The following EXOC4 variants were observed in gnomAD, a reference collection of about 807,000 sequenced individuals.
EXOC4 encodes SEC8-like 1.
In EXOC4, 71 loss-of-function variants were observed where a neutral mutation model predicts 107.2. That is an observed-to-expected ratio of 0.66 (90% CI 0.55 to 0.81). EXOC4 has a LOEUF of 0.81. Ranked by LOEUF, EXOC4 falls within the 30% of genes least tolerant of loss-of-function variation. The pLI is 0.00. For missense variants in EXOC4, 1,108 were observed against 1,189.6 expected (o/e 0.93, Z 1.01); for synonymous variants, 456 against 441.2 (o/e 1.03, Z -0.42).
At chr7:133,884,921 A>G (rs1178057442) in intron 11 of EXOC4, among the ~76,000 whole-genome samples, 1 of 152,224 alleles carries the variant, frequency 6.6e-6, no homozygotes, top group African/African-American at 2.4e-5. Context: ...TTGCCATTAT[A>G]GAAAATAATA....
chr7:133,479,934 T>A, intron 8 of EXOC4, 116 bp from the exon 9 acceptor site: 1 of 852,742 alleles, frequency 1.2e-6, no homozygotes, highest in South Asian at 1.5e-5. Context: ...AGTGTCTTCA[T>A]CACGGAACAT....
chr7:133,934,862 G>A (rs895087807), intron 13 of EXOC4, among the ~76,000 whole-genome samples: 7 of 151,492 alleles, frequency 4.6e-5, no homozygotes, highest in Non-Finnish European at 7.4e-5. Context: ...CTCAAATCAC[G>A]GAGGAGACAT....
At chr7:133,706,599 C>A (rs1304774506) in intron 10 of EXOC4, among the ~76,000 whole-genome samples, 1 of 152,238 alleles carries the variant, frequency 6.6e-6, no homozygotes. Context: ...TTATTGCACC[C>A]AGTACATCCA....
rs145333481 is a variant in EXOC4 at position 133,929,176 on chromosome 7, T to C, written c.2028-8715T>C. The stretch of plus-strand genomic sequence containing the variant: ...TTGAACTCCTGACTTCGTGATCTAT[T>C]CGCCTTGGCCTCCCAACGTGCTGGT... On this transcript the variant is annotated intron_variant, in intron 13 of 17. Coordinates refer to ENST00000253861, the MANE Select transcript of EXOC4 (RefSeq NM_021807.4). Among the ~76,000 whole-genome samples the C allele has an allele frequency of 2.4e-3, 364 of 152,066 alleles. 5 individuals are homozygous for C. Among genetic ancestry groups the C allele is most frequent in the African/African-American group, 8.2e-3 (340 of 41,482 alleles).
intron 17 of EXOC4, among the ~76,000 whole-genome samples, chr7:134,028,444 C>T (rs951387600): frequency 6.6e-6 from 1 of 152,174 alleles, no homozygotes; most frequent in African/African-American, 2.4e-5. Flanking sequence ...TTCTACTAAA[C>T]TATAAGTCGA....
intron 7 of EXOC4, among the ~76,000 whole-genome samples, chr7:133,418,852 A>G (rs905061836): frequency 1.3e-5 from 2 of 152,220 alleles, no homozygotes; most frequent in African/African-American, 4.8e-5. Context: ...TATGTAGAAT[A>G]TAGGATTAGA....
chr7:133,358,152 C>T (rs1044743408), intron 6 of EXOC4, among the ~76,000 whole-genome samples: 9 of 152,146 alleles, frequency 5.9e-5, no homozygotes, highest in Non-Finnish European at 1.3e-4. Flanking sequence ...CACTACTGCA[C>T]TCCAGCCTGG....
chr7:133,910,744 C>CAG (rs1354144745), intron 12 of EXOC4, among the ~76,000 whole-genome samples: 1 of 152,186 alleles, frequency 6.6e-6, no homozygotes, highest in East Asian at 1.9e-4. Context: ...GACGACGGCA[C>CAG]TTTACTTTGG....
intron 3 of EXOC4, among the ~76,000 whole-genome samples, chr7:133,300,320 C>G (rs1584791102): frequency 6.6e-6 from 1 of 152,164 alleles, no homozygotes; most frequent in Non-Finnish European, 1.5e-5. Flanking sequence ...CTGCAGCTTT[C>G]AGGCAGTGGC....
intron 7 of EXOC4, among the ~76,000 whole-genome samples, chr7:133,407,554 G>A (rs991339745): frequency 3.9e-5 from 6 of 152,144 alleles, no homozygotes; most frequent in South Asian, 2.1e-4. Flanking sequence ...GGGGATATCA[G>A]CCATATTCAA....
chr7:134,044,901 A>T, intron 17 of EXOC4, among the ~76,000 whole-genome samples: 1 of 152,194 alleles, frequency 6.6e-6, no homozygotes, highest in East Asian at 1.9e-4. Flanking sequence ...TCACAGCCTA[A>T]CTCAGCAGTT....
intron 9 of EXOC4, among the ~76,000 whole-genome samples, chr7:133,554,193 T>C (rs1199523038): frequency 6.6e-6 from 1 of 152,168 alleles, no homozygotes; most frequent in Non-Finnish European, 1.5e-5. Flanking sequence ...CCTGAGACTA[T>C]TAAAATCTTT....
At chr7:133,424,477 C>T (rs569200289) in intron 7 of EXOC4, among the ~76,000 whole-genome samples, 35 of 151,962 alleles carry the variant, frequency 2.3e-4, no homozygotes, top group African/African-American at 8.2e-4. Flanking sequence ...GCAACAAACT[C>T]CGGACACACC....
At chr7:133,254,852 G>C (rs1221709730) in intron 1 of EXOC4, among the ~76,000 whole-genome samples, 5 of 152,258 alleles carry the variant, frequency 3.3e-5, no homozygotes, top group Admixed American at 2.6e-4. Context: ...TGATTCTCCA[G>C]GCTGTTCCCA....
intron 15 of EXOC4, 100 bp from the exon 16 acceptor site, chr7:134,004,812 A>T: frequency 1.0e-6 from 1 of 967,072 alleles, no homozygotes. Flanking sequence ...TACATTTATT[A>T]ATGATAATTT....
chr7:133,316,059 CACTCTTTA>C (rs1017518098), intron 4 of EXOC4, among the ~76,000 whole-genome samples: 10 of 152,170 alleles, frequency 6.6e-5, no homozygotes, highest in African/African-American at 2.4e-4. Context: ...GTGATAATTT[CACTCTTTA>C]ACACAGTGTG....
intron 10 of EXOC4, among the ~76,000 whole-genome samples, chr7:133,755,860 C>A (rs114948759): frequency 2.8e-4 from 42 of 152,230 alleles, no homozygotes; most frequent in African/African-American, 1.0e-3. Flanking sequence ...AATCTTTGAT[C>A]TAAATAGCTT....
At chr7:133,836,358 A>AT (rs1475732695) in intron 11 of EXOC4, among the ~76,000 whole-genome samples, 1 of 152,204 alleles carries the variant, frequency 6.6e-6, no homozygotes, top group African/African-American at 2.4e-5. Flanking sequence ...CTAAGATGAC[A>AT]TATCTGGTAA....
At chr7:133,595,706 G>T (rs1801652177) in intron 9 of EXOC4, among the ~76,000 whole-genome samples, 1 of 152,148 alleles carries the variant, frequency 6.6e-6, no homozygotes, top group South Asian at 2.1e-4. Context: ...CACATAATTA[G>T]TCAGTGGCAG....
Sources: allele counts gnomAD v4.1 joint callset (sites outside exome capture counted in the v4.1 genomes callset), GRCh38; gene constraint gnomAD v4.1.1; transcripts MANE v1.5; gene names NCBI Gene and HGNC (gene_info 2026-07-23, HGNC 2026-07-21).